ITPR3: variants seen among roughly 807,000 people sequenced by gnomAD.
The protein encoded by ITPR3 is inositol 1,4,5-trisphosphate receptor type 3, also known as inositol 1,4,5-trisphosphate-gated calcium channel ITPR3.
ITPR3 carries 173 observed loss-of-function variants against 293.2 expected under a neutral mutation model. That is an observed-to-expected ratio of 0.59 (90% CI 0.52 to 0.67). The LOEUF is 0.67. Ranked by LOEUF, ITPR3 falls within the 30% of genes least tolerant of loss-of-function variation. ITPR3 has a pLI of 0.00. For synonymous variants in ITPR3, 1,295 were observed against 1,444.4 expected (o/e 0.90, Z 2.35); for missense variants, 2,796 against 3,592.1 (o/e 0.78, Z 5.66).
At chr6:33,659,671 C>T (rs548229656) in intron 7 of ITPR3, 122 bp downstream of exon 7, 1 of 772,490 alleles carries the variant, frequency 1.3e-6, no homozygotes, top group East Asian at 2.6e-5. Context: ...CTTTGCACCC[C>T]CCAGCCTCCC....
intron 1 of ITPR3, among the ~76,000 whole-genome samples, chr6:33,634,985 G>A (rs1407788235): frequency 1.3e-5 from 2 of 152,058 alleles, no homozygotes; most frequent in Non-Finnish European, 2.9e-5. Flanking sequence ...GGGGACTGCC[G>A]CCAGCCTCTC....
At chr6:33,690,853 C>T in intron 51 of ITPR3, 64 bp from the exon 52 acceptor site, 2 of 1,475,302 alleles carry the variant, frequency 1.4e-6, no homozygotes, top group East Asian at 2.3e-5. Flanking sequence ...CCAGTGGCAG[C>T]CCCAGTGAGA....
chr6:33,688,232 T>C lies in ITPR3; in HGVS notation c.6376-7T>C. Reference sequence around the variant, plus strand: ...GCCGGGCGTGACCATGTGCTGTGTGTGCTCAGATTGTGCGGCAGGACCGCA... The same window carrying C: ...GCCGGGCGTGACCATGTGCTGTGTGCGCTCAGATTGTGCGGCAGGACCGCA... On this transcript the variant is annotated splice_polypyrimidine_tract_variant and splice_region_variant and intron_variant, in intron 47 of 57. Transcript: ENST00000605930. 1 of 1,614,162 alleles carries C rather than the reference T, an allele frequency of 6.2e-7. No individual in the cohort carries two copies.
rs1679253197 is a variant in ITPR3 at position 33,682,043 on chromosome 6, G to A, written c.4477-481G>A. ...ATTATAGGCACCCGCCACCACGCCCGGCTAATTTTTGTATTTTTAGTAGAG... is the reference window on the plus strand; with the variant it reads ...ATTATAGGCACCCGCCACCACGCCCAGCTAATTTTTGTATTTTTAGTAGAG... On this transcript the variant is annotated intron_variant, in intron 33 of 57. Coordinates refer to ENST00000605930, the MANE Select transcript of ITPR3 (RefSeq NM_002224.4). This position sits in a 1 kb window ranked among gnomAD's most constrained non-coding sequence, Gnocchi z 5.4. Among the ~76,000 whole-genome samples the A allele has an allele frequency of 6.6e-6, 1 of 151,974 alleles. No homozygotes were observed. The highest frequency in any genetic ancestry group is 2.1e-4 in the South Asian group (1 of 4,818).
chr6:33,644,747 T>C (rs374878186), intron 2 of ITPR3, among the ~76,000 whole-genome samples: 52 of 143,384 alleles, frequency 3.6e-4, no homozygotes, highest in African/African-American at 1.3e-3. Context: ...CACTGCAACC[T>C]CTCCCTCCCG....
In ITPR3 at chr6:33,680,032, T is replaced by G. The variant is rs780885831; in HGVS notation, c.4123T>G (p.Cys1375Gly). The change falls in exon 31 of 58, where the codon TGT (cysteine) becomes GGT (glycine). Residue 1375 changes from cysteine to glycine, a missense_variant. By Grantham distance (159) the Cys-to-Gly change is radical (BLOSUM62 -3). Coordinates refer to ENST00000605930, the MANE Select transcript of ITPR3 (RefSeq NM_002224.4). The stretch of plus-strand genomic sequence containing the variant: ...TTCCCTGGTGGACCTGCTGGCCGCC[T>G]GTGCCGAGGGCAAAAACGTCTACAC... ...HISLVDLLAA[C>G]AEGKNVYTEI... 1.9e-6 allele frequency: 3 copies of G among 1,613,726 alleles called. No homozygotes were observed. The African/African-American group carries it at 4.0e-5, about 22-fold the overall frequency.
chr6:33,623,440 C>A (rs913603752), intron 1 of ITPR3, among the ~76,000 whole-genome samples: 9 of 151,124 alleles, frequency 6.0e-5, no homozygotes, highest in African/African-American at 2.2e-4. Context: ...AATCCTCCTG[C>A]CTCAGCTCCC....
At chr6:33,625,104 A>C (rs1536043) in intron 1 of ITPR3, among the ~76,000 whole-genome samples, 141,956 of 152,290 alleles carry the variant, frequency 0.93, 66,335 homozygotes, top group East Asian at 0.98. Context: ...GAGGCCAGGG[A>C]TGGAGTAGCT....
rs1763878885 is a variant in ITPR3 at position 33,638,680 on chromosome 6, A to G, written c.90-1804A>G. Among the ~76,000 whole-genome samples, 1 of 152,230 alleles carries G rather than the reference A, an allele frequency of 6.6e-6. No individual in the cohort carries two copies. Among genetic ancestry groups the G allele is most frequent in the Admixed American group, 6.5e-5 (1 of 15,280 alleles). ...GATGAAGACCAAATATATATTTCTT[A>G]TTATATCATTAACACTTTGCATTGT... On this transcript the variant is annotated intron_variant, in intron 1 of 57. Transcript: ENST00000605930. This position sits in a 1 kb window ranked among gnomAD's most constrained non-coding sequence, Gnocchi z 4.3.
rs532551359 is a variant in ITPR3, at chr6:33,695,868, G to A, written c.*88G>A. ...ACTGCCCCCTCCCTCGGGTTGGGTG[G>A]CCCAGCCAGCTGGCCAGCCTCCACT... On this transcript the variant is annotated 3_prime_UTR_variant, in exon 58 of 58. Coordinates refer to ENST00000605930, the MANE Select transcript of ITPR3 (RefSeq NM_002224.4). 23 of 1,353,070 alleles carry A rather than the reference G, an allele frequency of 1.7e-5. 1 individual carries two copies. In the Middle Eastern group the frequency reaches 9.1e-4, roughly 53 times the overall value. The allele number at this position is 1,353,070 out of a possible 1,614,324, so 83.8% of individuals were successfully genotyped here.
Position 33,621,660 on chromosome 6 carries a change from G to T in ITPR3, c.58G>T (p.Gly20Cys), listed in dbSNP as rs1334442154. The T allele has an allele frequency of 6.2e-7, 1 of 1,611,002 alleles. No homozygotes were observed. Among genetic ancestry groups the T allele is most frequent in the East Asian group, 2.2e-5 (1 of 44,778 alleles). Reference protein sequence around the residue: ...IGDIVSLYAEGSVNGFISTLG... With the variant: ...IGDIVSLYAECSVNGFISTLG... ...GGACATCGTCTCCCTGTACGCCGAG[G>T]GCTCCGTCAATGGCTTCATCAGCAC... Residue 20 changes from glycine to cysteine, a missense_variant, in exon 1 of 58, where the codon GGC becomes TGC. Coordinates refer to ENST00000605930, the MANE Select transcript of ITPR3 (RefSeq NM_002224.4). This position sits in a 1 kb window ranked among gnomAD's most constrained non-coding sequence, Gnocchi z 7.7.
In ITPR3 at chr6:33,672,972, A is replaced by T. The variant is rs187329475; in HGVS notation, c.2929-619A>T. 5.1e-3 allele frequency among the ~76,000 whole-genome samples: 780 copies of T among 152,270 alleles called. 9 individuals carry two copies. Among genetic ancestry groups the T allele is most frequent in the African/African-American group, 0.014 (573 of 41,554 alleles). ...CACCGGAGGGCAGGAAGGGTAGTGC[A>T]GTGACCTCCGTGGGGGACCTCTGGC... On this transcript the variant is annotated intron_variant, in intron 22 of 57. Coordinates refer to ENST00000605930, the MANE Select transcript of ITPR3 (RefSeq NM_002224.4). This position sits in a 1 kb window ranked among gnomAD's most constrained non-coding sequence, Gnocchi z 5.0.
Position 33,677,110 on chromosome 6 carries a change from G to C in ITPR3, c.3522+21G>C, listed in dbSNP as rs774197890. The C allele has an allele frequency of 7.5e-6, 12 of 1,609,700 alleles. No homozygotes were observed. The African/African-American group carries it at 8.0e-5, about 11-fold the overall frequency. ...AGGGCGTGAGTGGCCAAGGGTCCTC[G>C]GGGTAGGGATCTGCAGCCCCAGTGG... On this transcript the variant is annotated intron_variant, in intron 27 of 57. Coordinates refer to ENST00000605930, the MANE Select transcript of ITPR3 (RefSeq NM_002224.4).
chr6:33,688,387 C>T lies in ITPR3; in HGVS notation c.6524C>T (p.Ser2175Phe). 1.2e-6 allele frequency: 2 copies of T among 1,611,306 alleles called. No individual in the cohort carries two copies. Among genetic ancestry groups the T allele is most frequent in the Non-Finnish European group, 1.7e-6 (2 of 1,179,668 alleles). ...AAAGTGAGCGACTTCTTCGACCAGT[C>T]CTCCTTCCTGCACAACGAGATGGAG... ...GSKVSDFFDQ[S>F]SFLHNEMEWQ... The change falls in exon 48 of 58, where the codon TCC (serine) becomes TTC (phenylalanine). Residue 2175 changes from serine (S) to phenylalanine (F), a missense_variant. By Grantham distance (155) the Ser-to-Phe change is radical. Transcript: ENST00000605930.
intron 49 of ITPR3, 86 bp from the exon 50 acceptor site, chr6:33,689,140 GGCGGCCAGGAGA>G (rs1765320939): frequency 2.9e-6 from 4 of 1,384,354 alleles, no homozygotes; most frequent in Non-Finnish European, 4.0e-6. Flanking sequence ...TAACCGGGAA[GGCGGCCAGGAGA>G]AGGTGGCTTT....
In ITPR3 at chr6:33,655,528, C is replaced by T. The variant is rs1764284908; in HGVS notation, c.161-238C>T. On this transcript the variant is annotated intron_variant, in intron 2 of 57. Transcript: ENST00000605930. This position sits in a 1 kb window ranked among gnomAD's most constrained non-coding sequence, Gnocchi z 4.9. ...CTAGGGGAAGAGGGCACGTGTCCAC[C>T]CCACCAAGTGAGATGCACTGCTCTC... 6.6e-6 allele frequency among the ~76,000 whole-genome samples: 1 copy of T among 152,134 alleles called. No homozygotes were observed. Among genetic ancestry groups the T allele is most frequent in the Non-Finnish European group, 1.5e-5 (1 of 68,020 alleles).
At chr6:33,694,691 TGCCTA>T in intron 56 of ITPR3, 1 of 539,622 alleles carries the variant, frequency 1.9e-6, no homozygotes, top group Non-Finnish European at 3.3e-6. Context: ...CTGCCGACGC[TGCCTA>T]ACGGAAGTCA....
chr6:33,641,270 C>T (rs1337752127), intron 2 of ITPR3, among the ~76,000 whole-genome samples: 1 of 152,216 alleles, frequency 6.6e-6, no homozygotes, highest in Non-Finnish European at 1.5e-5. Flanking sequence ...GACCGACTGA[C>T]AGTCAGACAG....
intron 1 of ITPR3, among the ~76,000 whole-genome samples, chr6:33,625,941 C>CTGTTT (rs1010407723): frequency 3.3e-5 from 5 of 152,098 alleles, no homozygotes; most frequent in African/African-American, 4.8e-5. Flanking sequence ...TGGGTGGTTT[C>CTGTTT]TGTTTTGTTT....
Sources: allele counts gnomAD v4.1 joint callset (sites outside exome capture counted in the v4.1 genomes callset), GRCh38; gene constraint gnomAD v4.1.1; non-coding constraint Gnocchi (gnomAD v3.1); transcripts MANE v1.5; gene names NCBI Gene and HGNC (gene_info 2026-07-23, HGNC 2026-07-21).